Variants in TMEM266 observed in about 807,000 individuals in gnomAD.
TMEM266 encodes the protein Hv1 related protein 1.
Under a neutral mutation model 50.5 loss-of-function variants are expected in TMEM266, and 33 were observed. The ratio of observed to expected loss-of-function variants is 0.65; its 90% CI spans 0.50 to 0.87. TMEM266 has a LOEUF of 0.87. Among genes scored for constraint, TMEM266 ranks in the 40% least tolerant of loss-of-function variants. The pLI, the probability that TMEM266 is intolerant of heterozygous loss-of-function variation, is 0.00. For synonymous variants in TMEM266, 310 were observed against 292.3 expected (o/e 1.06, Z -0.62); for missense variants, 655 against 695.1 (o/e 0.94, Z 0.65).
intron 5 of TMEM266, among the ~76,000 whole-genome samples, chr15:76,163,806 C>T (rs974080741): frequency 3.3e-5 from 5 of 152,214 alleles, no homozygotes; most frequent in South Asian, 4.1e-4. Flanking sequence ...AGCGGAGCCG[C>T]GGCTGGCCTT....
chr15:76,189,183 C>G (rs1169165485), intron 8 of TMEM266, among the ~76,000 whole-genome samples: 1 of 150,842 alleles, frequency 6.6e-6, no homozygotes, highest in Non-Finnish European at 1.5e-5. Flanking sequence ...CAGAGTAAAA[C>G]CTTGTCTCAG....
intron 1 of TMEM266, among the ~76,000 whole-genome samples, chr15:76,102,139 C>T (rs1378608459): frequency 1.3e-5 from 2 of 152,166 alleles, no homozygotes; most frequent in Non-Finnish European, 2.9e-5. Context: ...TAGGATGGGA[C>T]CTCTCCATCC....
chr15:76,068,154 CCAT>C (rs1482934497), intron 1 of TMEM266, among the ~76,000 whole-genome samples: 3 of 152,180 alleles, frequency 2.0e-5, no homozygotes, highest in Admixed American at 2.0e-4. Context: ...AAATTGCATG[CCAT>C]ACCCAAAGGC....
At position 76,069,283 on chromosome 15, in the gene TMEM266, T is replaced by A. The variant is rs183074228; in HGVS notation, c.-97+9267T>A. On this transcript the variant is annotated intron_variant, in intron 1 of 10. Coordinates refer to ENST00000388942, the MANE Select transcript of TMEM266 (RefSeq NM_152335.3). ...GGTCGACTCATGGGTGGGCTGGCTG[T>A]TGGCTTTAAGGAATAGATCAAAGGA... is the stretch of plus-strand genomic sequence containing the variant. Among the ~76,000 whole-genome samples, 632 of 152,248 alleles carry A rather than the reference T, an allele frequency of 4.2e-3. 6 individuals are homozygous for A. The highest frequency in any genetic ancestry group is 0.015 in the African/African-American group (612 of 41,530).
intron 6 of TMEM266, among the ~76,000 whole-genome samples, chr15:76,170,548 G>A (rs1259833848): frequency 2.6e-5 from 4 of 152,072 alleles, no homozygotes; most frequent in East Asian, 2.0e-4. Context: ...GCCCTGCCCC[G>A]CTGGAGAGTT....
chr15:76,107,544 A>G (rs569632639), intron 1 of TMEM266, among the ~76,000 whole-genome samples: 2 of 152,312 alleles, frequency 1.3e-5, no homozygotes, highest in South Asian at 4.1e-4. Flanking sequence ...CCAACTAGTA[A>G]GTAAGTTATA....
At chr15:76,103,931 G>A (rs1203738038) in intron 1 of TMEM266, among the ~76,000 whole-genome samples, 5 of 150,886 alleles carry the variant, frequency 3.3e-5, no homozygotes, top group African/African-American at 4.9e-5. Flanking sequence ...AAAAATGCCA[G>A]GGGCAGTGGC....
At chr15:76,100,579 T>C (rs780357669) in intron 1 of TMEM266, among the ~76,000 whole-genome samples, 3 of 152,178 alleles carry the variant, frequency 2.0e-5, no homozygotes, top group Non-Finnish European at 4.4e-5. Flanking sequence ...CTATCGTAGG[T>C]GTTTGGTCAA....
At chr15:76,130,826 T>TA (rs1231518178) in intron 1 of TMEM266, among the ~76,000 whole-genome samples, 1 of 152,134 alleles carries the variant, frequency 6.6e-6, no homozygotes, top group Non-Finnish European at 1.5e-5. Context: ...AAAGTTAAAT[T>TA]AAAAAAAATT....
chr15:76,073,954 A>G (rs965851891), intron 1 of TMEM266, among the ~76,000 whole-genome samples: 6 of 151,168 alleles, frequency 4.0e-5, no homozygotes, highest in African/African-American at 1.5e-4. Flanking sequence ...ATGTTTGAGG[A>G]CTGTAGTTTG....
intron 1 of TMEM266, among the ~76,000 whole-genome samples, chr15:76,101,814 C>T (rs558812609): frequency 1.4e-4 from 21 of 152,358 alleles, no homozygotes; most frequent in Non-Finnish European, 4.4e-5. Context: ...CAGGTCATTT[C>T]CCCACGCCTG....
chr15:76,160,082 G>A lies in TMEM266; in HGVS notation c.383-13G>A, dbSNP rs138850910. 18 of 1,613,688 alleles carry A rather than the reference G, an allele frequency of 1.1e-5. No individual in the cohort carries two copies. Among genetic ancestry groups the A allele is most frequent in the African/African-American group, 1.1e-4 (8 of 75,012 alleles). ...CTCACTCCTAAAATTGGTCCTTATC[G>A]TGTCCATTGCAGTTTCCAGCGCATT... On this transcript the variant is annotated splice_polypyrimidine_tract_variant and intron_variant, in intron 4 of 10. Transcript: ENST00000388942. This position sits in a 1 kb window ranked among gnomAD's most constrained non-coding sequence, Gnocchi z 5.7.
intron 8 of TMEM266, among the ~76,000 whole-genome samples, chr15:76,185,720 G>A (rs1184159082): frequency 6.6e-6 from 1 of 152,190 alleles, no homozygotes; most frequent in Non-Finnish European, 1.5e-5. Flanking sequence ...TAGAGGCTGT[G>A]GATTCTGTTA....
intron 1 of TMEM266, among the ~76,000 whole-genome samples, chr15:76,089,107 A>G (rs2036813905): frequency 6.6e-6 from 1 of 150,484 alleles, no homozygotes; most frequent in South Asian, 2.1e-4. Flanking sequence ...AAAAAAAAAA[A>G]AAAAAAAGAG....
At chr15:76,108,334 C>T (rs2037117339) in intron 1 of TMEM266, among the ~76,000 whole-genome samples, 1 of 152,230 alleles carries the variant, frequency 6.6e-6, no homozygotes, top group African/African-American at 2.4e-5. Context: ...CCAGGGAACT[C>T]CCAGCAGTCT....
intron 5 of TMEM266, among the ~76,000 whole-genome samples, chr15:76,162,095 AC>A (rs931933568): frequency 1.3e-5 from 2 of 151,980 alleles, no homozygotes; most frequent in Non-Finnish European, 2.9e-5. Flanking sequence ...CCCCATAGGC[AC>A]CCCCAAACCA....
chr15:76,090,659 A>G (rs1014024119), intron 1 of TMEM266, among the ~76,000 whole-genome samples: 8 of 152,136 alleles, frequency 5.3e-5, no homozygotes, highest in South Asian at 2.1e-4. Context: ...AAATTCTACA[A>G]TAAATGGGTA....
intron 1 of TMEM266, among the ~76,000 whole-genome samples, chr15:76,105,990 T>C (rs1362474780): frequency 6.6e-6 from 1 of 152,172 alleles, no homozygotes; most frequent in Non-Finnish European, 1.5e-5. Context: ...GGCCTCACGT[T>C]CTACTGTGTT....
chr15:76,153,569 G>C lies in TMEM266; in HGVS notation c.228-3035G>C. ...TGTGGAATTGGAGCCAGGTGTCCTT[G>C]GGCCCTAGAAAAGACCATGCTAGAG... On this transcript the variant is annotated intron_variant, in intron 3 of 10. Transcript: ENST00000388942. This position sits in a 1 kb window ranked among gnomAD's most constrained non-coding sequence, Gnocchi z 4.2. Among the ~76,000 whole-genome samples the C allele has an allele frequency of 6.6e-6, 1 of 152,146 alleles. No individual in the cohort carries two copies. The highest frequency in any genetic ancestry group is 1.5e-5 in the Non-Finnish European group (1 of 68,026).
Sources: gnomAD v4.1 joint callset for allele counts (sites outside exome capture counted in the v4.1 genomes callset) on GRCh38, gnomAD v4.1.1 for gene constraint, Gnocchi (gnomAD v3.1) non-coding constraint, MANE v1.5 for transcripts, NCBI Gene and HGNC (gene_info 2026-07-23, HGNC 2026-07-21) for gene names.